CADPS: variants seen among roughly 807,000 people sequenced by gnomAD.
CADPS encodes calcium-dependent secretion activator 1.
A neutral mutation model predicts 167.3 loss-of-function variants in CADPS; 57 were observed. The ratio of observed to expected loss-of-function variants is 0.34; its 90% CI spans 0.28 to 0.42. The LOEUF is 0.42. CADPS is among the 20% of genes least tolerant of loss of function. CADPS has a pLI of 1.00. For synonymous variants in CADPS, 676 were observed against 635.3 expected (o/e 1.06, Z -0.96); for missense variants, 1,414 against 1,738.1 (o/e 0.81, Z 3.32).
intron 3 of CADPS, among the ~76,000 whole-genome samples, chr3:62,711,791 T>C (rs1468252220): frequency 6.6e-6 from 1 of 152,230 alleles, no homozygotes; most frequent in East Asian, 1.9e-4. Flanking sequence ...CATTCATCTA[T>C]GGTATTGCTT....
intron 22 of CADPS, among the ~76,000 whole-genome samples, chr3:62,480,929 T>G (rs1232464282): frequency 1.3e-5 from 2 of 152,210 alleles, no homozygotes; most frequent in Non-Finnish European, 2.9e-5. Flanking sequence ...AGAAATGGCT[T>G]CTCAACCCTC....
chr3:62,843,665 TCCAG>T (rs903733010), intron 1 of CADPS, among the ~76,000 whole-genome samples: 1 of 152,088 alleles, frequency 6.6e-6, no homozygotes, highest in African/African-American at 2.4e-5. Context: ...CCACTGAAGC[TCCAG>T]CCAGTCAGTC....
intron 17 of CADPS, among the ~76,000 whole-genome samples, chr3:62,508,719 G>A (rs545690806): frequency 3.3e-5 from 5 of 152,286 alleles, no homozygotes; most frequent in Admixed American, 2.6e-4. Context: ...AGAATTAAAT[G>A]AGATATGTAT....
intron 16 of CADPS, 123 bp downstream of exon 16, chr3:62,515,936 G>T: frequency 8.6e-7 from 1 of 1,169,234 alleles, no homozygotes; most frequent in Non-Finnish European, 1.2e-6. Context: ...GGTGCTTCCA[G>T]GTTTCAGCTT....
intron 3 of CADPS, among the ~76,000 whole-genome samples, chr3:62,673,444 T>A (rs2075877296): frequency 6.6e-6 from 1 of 152,142 alleles, no homozygotes; most frequent in Admixed American, 6.6e-5. Flanking sequence ...ATAATAGAGG[T>A]GTGAACCAAT....
chr3:62,407,182 C>T (rs746107641), intron 28 of CADPS, among the ~76,000 whole-genome samples: 2 of 151,974 alleles, frequency 1.3e-5, no homozygotes, highest in Non-Finnish European at 2.9e-5. Context: ...TCTCTTTTTT[C>T]TCTCCCTCTC....
At chr3:62,491,546 CA>C in intron 20 of CADPS, 66 bp from the exon 21 acceptor site, 2 of 1,119,942 alleles carry the variant, frequency 1.8e-6, no homozygotes, top group Non-Finnish European at 1.3e-6. Context: ...AACACACACA[CA>C]CACACACACA....
intron 28 of CADPS, among the ~76,000 whole-genome samples, chr3:62,415,260 C>T (rs925087034): frequency 2.6e-5 from 4 of 152,056 alleles, no homozygotes; most frequent in South Asian, 2.1e-4. Context: ...CAAAAAACGG[C>T]GCTCGGTTGC....
intron 17 of CADPS, 142 bp downstream of exon 17, chr3:62,512,609 C>A: frequency 1.9e-6 from 1 of 534,320 alleles, no homozygotes; most frequent in African/African-American, 1.9e-5. Flanking sequence ...TTAGACAGCA[C>A]AAATTAACTC....
intron 3 of CADPS, among the ~76,000 whole-genome samples, chr3:62,674,664 C>T (rs919576090): frequency 1.3e-5 from 2 of 151,912 alleles, no homozygotes; most frequent in Non-Finnish European, 2.9e-5. Flanking sequence ...AGAAAAAGAA[C>T]GAACTAAAAA....
intron 11 of CADPS, among the ~76,000 whole-genome samples, chr3:62,539,410 T>G (rs1425511409): frequency 6.6e-6 from 1 of 152,096 alleles, no homozygotes; most frequent in Admixed American, 6.6e-5. Flanking sequence ...TACTCAAAAT[T>G]GGGCTCATTA....
At chr3:62,869,025 G>A (rs1026443501) in intron 1 of CADPS, among the ~76,000 whole-genome samples, 1 of 152,058 alleles carries the variant, frequency 6.6e-6, no homozygotes, top group Admixed American at 6.5e-5. Context: ...CAGTGCTTGA[G>A]AGCAGAAGTG....
rs1370490051 is a variant in CADPS, at chr3:62,874,570, G to A, written c.441+19C>T. 7.8e-6 allele frequency: 12 copies of A among 1,535,168 alleles called. No homozygotes were observed. Among genetic ancestry groups the A allele is most frequent in the African/African-American group, 2.8e-5 (2 of 71,892 alleles). On this transcript the variant is annotated intron_variant, in intron 1 of 29. Coordinates refer to ENST00000383710, the MANE Select transcript of CADPS (RefSeq NM_003716.4). This position sits in a 1 kb window ranked among gnomAD's most constrained non-coding sequence, Gnocchi z 7.1. ...GCGACGTCCGGGTGCTGCTCCCTGG[G>A]CCTCCCAGGCGCACCTACCTTCTGC...
chr3:62,496,864 T>C lies in CADPS; in HGVS notation c.2706+2298A>G, dbSNP rs558087689. On this transcript the variant is annotated intron_variant, in intron 18 of 29. Coordinates refer to ENST00000383710, the MANE Select transcript of CADPS (RefSeq NM_003716.4). ...AGATGGAAGACGCTCAATAGGTAGC[T>C]TTTGATTGATGGAGAAGATTTTGTG... is the stretch of plus-strand genomic sequence containing the variant. 7.9e-5 allele frequency among the ~76,000 whole-genome samples: 12 copies of C among 152,296 alleles called. 1 individual carries two copies. In the South Asian group the frequency reaches 2.5e-3, roughly 32 times the overall value.
At chr3:62,749,709 T>A (rs984829279) in intron 3 of CADPS, among the ~76,000 whole-genome samples, 1 of 152,230 alleles carries the variant, frequency 6.6e-6, no homozygotes, top group Non-Finnish European at 1.5e-5. Flanking sequence ...CTTTGCTGCC[T>A]GTCTACATAC....
intron 3 of CADPS, among the ~76,000 whole-genome samples, chr3:62,672,049 G>T (rs927668964): frequency 7.9e-5 from 12 of 152,006 alleles, no homozygotes; most frequent in African/African-American, 2.9e-4. Flanking sequence ...CAAAGTGCTG[G>T]GATTACAGGT....
At chr3:62,689,298 T>C (rs1428687284) in intron 3 of CADPS, among the ~76,000 whole-genome samples, 1 of 152,106 alleles carries the variant, frequency 6.6e-6, no homozygotes. Flanking sequence ...TATAAACATT[T>C]TCCTTATAAG....
At chr3:62,557,621 A>C (rs1049661625) in intron 9 of CADPS, 108 bp from the exon 10 acceptor site, 2 of 855,506 alleles carry the variant, frequency 2.3e-6, no homozygotes, top group African/African-American at 3.3e-5. Context: ...GGCTGGGTTC[A>C]AACTGAGTTT....
In CADPS at chr3:62,420,902, AGG is replaced by A. The variant is rs66755553; in HGVS notation, c.3777+17200_3777+17201del. On this transcript the variant is annotated intron_variant, in intron 28 of 29. Transcript: ENST00000383710. This position sits in a 1 kb window ranked among gnomAD's most constrained non-coding sequence, Gnocchi z 4.1. ...CACACACACACACACACACACACAC[AGG>A]CACACACACACACACTTGCCAGATC... 0.18 allele frequency among the ~76,000 whole-genome samples: 20,012 copies of A among 110,106 alleles called. 1,467 individuals carry two copies. The highest frequency in any genetic ancestry group is 0.25 in the African/African-American group (6,496 of 25,676). 72.2% of individuals were successfully genotyped at this position (110,106 alleles called of 152,430 possible). A position where few individuals can be genotyped will look rare whatever the true frequency, so the allele number is the denominator to read the frequency against.
Sources: allele counts gnomAD v4.1 joint callset (sites outside exome capture counted in the v4.1 genomes callset), GRCh38; gene constraint gnomAD v4.1.1; non-coding constraint Gnocchi (gnomAD v3.1); transcripts MANE v1.5; gene names NCBI Gene and HGNC (gene_info 2026-07-23, HGNC 2026-07-21).